Variants in CLUH observed in about 807,000 individuals in gnomAD.
CLUH encodes the protein clustered mitochondria protein homolog.
CLUH carries 77 observed loss-of-function variants against 139.3 expected under a neutral mutation model. The ratio of observed to expected loss-of-function variants is 0.55; its 90% confidence interval spans 0.46 to 0.67. CLUH has a LOEUF of 0.67. Ranked by LOEUF, CLUH falls within the 30% of genes least tolerant of loss-of-function variation. The pLI is 0.00. For synonymous variants in CLUH, 999 were observed against 801.6 expected (o/e 1.25, Z -4.16); for missense variants, 1,876 against 1,875.8 (o/e 1.00, Z 0.00).
At position 2,698,128 on chromosome 17, in the gene CLUH, G is replaced by A. The variant is rs1286076754; in HGVS notation, c.1729C>T (p.Arg577Cys). 10 of 1,591,388 alleles carry A rather than the reference G, an allele frequency of 6.3e-6. No homozygotes were observed. The highest frequency in any genetic ancestry group is 3.5e-5 in the Admixed American group (2 of 56,676). Reference protein sequence around the residue: ...KILRHQVLNDRDEEVELCSSV... With the variant: ...KILRHQVLNDCDEEVELCSSV... ...GAGCAGAGCTCCACCTCCTCGTCAC[G>A]GTCGTTGAGCACCTGGTGCCGCAGG... The change falls in exon 10 of 26, where the codon CGT becomes TGT. Residue 577 changes from arginine to cysteine, a missense_variant. Arg to Cys is a radical substitution (Grantham distance 180). Around this residue, in one of 3 missense-constraint regions of CLUH, gnomAD observed 1,454 missense variants for 1,384.4 expected, o/e 1.05. Coordinates refer to ENST00000651024, the MANE Select transcript of CLUH (RefSeq NM_001366661.1).
intron 1 of CLUH, among the ~76,000 whole-genome samples, chr17:2,708,748 C>T (rs1047549625): frequency 6.6e-6 from 1 of 152,024 alleles, no homozygotes; most frequent in African/African-American, 2.4e-5. Context: ...CATGGACCCG[C>T]TCCCACTGAC....
chr17:2,697,401 GA>G lies in CLUH; in HGVS notation c.1962-460del, dbSNP rs79574930. ...GCGACAAGAGTGAAACTCCGTCTCAGAAAAAAAAAAAAAAAGGCAGCTGCGT... is the reference window on the plus strand; with the variant it reads ...GCGACAAGAGTGAAACTCCGTCTCAGAAAAAAAAAAAAAAGGCAGCTGCGT... On this transcript the variant is annotated intron_variant, in intron 10 of 25. Transcript: ENST00000651024. Among the ~76,000 whole-genome samples, 1,011 of 121,670 alleles carry G rather than the reference GA, an allele frequency of 8.3e-3. 6 individuals are homozygous for G. Among genetic ancestry groups the G allele is most frequent in the African/African-American group, 0.022 (738 of 33,176 alleles). 79.8% of individuals were successfully genotyped at this position (121,670 alleles called of 152,430 possible). A position where few individuals can be genotyped will look rare whatever the true frequency, so the allele number is the denominator to read the frequency against.
chr17:2,692,757 C>T (rs1229574015), intron 20 of CLUH, 23 bp downstream of exon 20: 12 of 1,599,036 alleles, frequency 7.5e-6, no homozygotes, highest in African/African-American at 1.3e-5. Context: ...CATCCCCCGG[C>T]GCGGGCGGCA....
Position 2,707,592 on chromosome 17 carries a change from C to T in CLUH, c.101-3028G>A. ...GAACCCAGAATTTGGGGTACCTGGACCCCTCAAGATTGAGGGCCTAGGAGA... is the reference window on the plus strand; with the variant it reads ...GAACCCAGAATTTGGGGTACCTGGATCCCTCAAGATTGAGGGCCTAGGAGA... On this transcript the variant is annotated intron_variant, in intron 1 of 25. Coordinates refer to ENST00000651024, the MANE Select transcript of CLUH (RefSeq NM_001366661.1). The surrounding 1 kb of genome is among the most constrained non-coding windows in gnomAD (Gnocchi z 7.4). 1 of 985,398 alleles carries T rather than the reference C, an allele frequency of 1.0e-6. No homozygotes were observed. Among genetic ancestry groups the T allele is most frequent in the East Asian group, 1.1e-4 (1 of 8,802 alleles). 61.0% of individuals were successfully genotyped at this position (985,398 alleles called of 1,614,324 possible).
chr17:2,692,672 C>T lies in CLUH; in HGVS notation c.3337G>A (p.Ala1113Thr). 1 of 1,611,970 alleles carries T rather than the reference C, an allele frequency of 6.2e-7. No homozygotes were observed. Among genetic ancestry groups the T allele is most frequent in the South Asian group, 1.1e-5 (1 of 90,974 alleles). ...EYMHLALYCF[A>T]SSQLSTALSL... Reference sequence around the variant, plus strand: ...AGGGCGGTGGACAGCTGGCTGCTGGCGAAGCAGTACAGGGCCAGGTGCATC... The same window carrying T: ...AGGGCGGTGGACAGCTGGCTGCTGGTGAAGCAGTACAGGGCCAGGTGCATC... Residue 1113 changes from alanine (A) to threonine (T), a missense_variant, in exon 21 of 26, where the codon GCC becomes ACC. This residue lies in a region of CLUH where 1,454 missense variants were observed against 1,384.4 expected (regional missense o/e 1.05). Coordinates refer to ENST00000651024, the MANE Select transcript of CLUH (RefSeq NM_001366661.1).
At chr17:2,697,835 C>G (rs975612702) in intron 10 of CLUH, 61 bp downstream of exon 10, 11 of 1,411,964 alleles carry the variant, frequency 7.8e-6, no homozygotes, top group Non-Finnish European at 1.0e-5. Context: ...CCGGATCCAC[C>G]CAGGGCGCCC....
chr17:2,700,362 T>C lies in CLUH; in HGVS notation c.1266+20A>G. On this transcript the variant is annotated intron_variant, in intron 9 of 25. Coordinates refer to ENST00000651024, the MANE Select transcript of CLUH (RefSeq NM_001366661.1). Reference sequence around the variant, plus strand: ...TGGACAGCGGGCCTCAGACTGCCGGTCAGCAGAGGCTGCAGGCACCTTGAA... The same window carrying C: ...TGGACAGCGGGCCTCAGACTGCCGGCCAGCAGAGGCTGCAGGCACCTTGAA... 1 of 1,604,806 alleles carries C rather than the reference T, an allele frequency of 6.2e-7. No homozygotes were observed. The highest frequency in any genetic ancestry group is 8.5e-7 in the Non-Finnish European group (1 of 1,175,286).
chr17:2,708,246 C>T (rs950627649), intron 1 of CLUH, among the ~76,000 whole-genome samples: 15 of 152,218 alleles, frequency 9.9e-5, no homozygotes, highest in African/African-American at 3.4e-4. Context: ...GGCTGCTTCA[C>T]AGCCCCCATG....
In CLUH at chr17:2,695,104, G is replaced by A; in HGVS notation, c.2608-3C>T. 6.2e-7 allele frequency: 1 copy of A among 1,612,302 alleles called. No individual in the cohort carries two copies. The highest frequency in any genetic ancestry group is 8.5e-7 in the Non-Finnish European group (1 of 1,179,020). On this transcript the variant is annotated splice_polypyrimidine_tract_variant and splice_region_variant and intron_variant, in intron 15 of 25. Coordinates refer to ENST00000651024, the MANE Select transcript of CLUH (RefSeq NM_001366661.1). ...GAGAGGCCGGAGAGCTCGACTCCCT[G>A]CGAGGCAGGTTGGATCCGAGTCATG... is the stretch of plus-strand genomic sequence containing the variant.
Position 2,690,516 on chromosome 17 carries a change from C to A in CLUH, c.*78G>T, listed in dbSNP as rs918139588. ...AGAGGGCCTTGCTTCCTCTTCCGCCCGCAGGCTCGCCCCCTTCTCCCGCAG... is the reference window on the plus strand; with the variant it reads ...AGAGGGCCTTGCTTCCTCTTCCGCCAGCAGGCTCGCCCCCTTCTCCCGCAG... On this transcript the variant is annotated 3_prime_UTR_variant, in exon 26 of 26. Coordinates refer to ENST00000651024, the MANE Select transcript of CLUH (RefSeq NM_001366661.1). 26 of 1,281,762 alleles carry A rather than the reference C, an allele frequency of 2.0e-5. No individual in the cohort carries two copies. The highest frequency in any genetic ancestry group is 3.1e-5 in the East Asian group (1 of 32,744). The allele number at this position is 1,281,762 out of a possible 1,614,324, so 79.4% of individuals were successfully genotyped here.
rs943137363 is a variant in CLUH, at chr17:2,700,962, C to T, written c.1026-137G>A. ...TGCCCTGGAGCCAGATGGAAGTGCA[C>T]GGGCGCCTCTCCTGCGGCTGCTGTC... is the stretch of plus-strand genomic sequence containing the variant. On this transcript the variant is annotated intron_variant, in intron 7 of 25. Coordinates refer to ENST00000651024, the MANE Select transcript of CLUH (RefSeq NM_001366661.1). 2.6e-5 allele frequency: 37 copies of T among 1,421,536 alleles called. 1 individual carries two copies. Among genetic ancestry groups the T allele is most frequent in the Admixed American group, 2.1e-4 (9 of 43,716 alleles). The allele number at this position is 1,421,536 out of a possible 1,614,324, so 88.1% of individuals were successfully genotyped here. A position where few individuals can be genotyped will look rare whatever the true frequency, so the allele number is the denominator to read the frequency against.
At chr17:2,691,956 G>GC (rs762374288) in intron 23 of CLUH, 48 bp downstream of exon 23, 8,903 of 438,014 alleles carry the variant, frequency 0.02, 181 homozygotes, top group South Asian at 0.034. Flanking sequence ...CCCCCGCCCC[G>GC]CCACGCCCCC....
chr17:2,699,341 T>C (rs1411523793), intron 9 of CLUH, among the ~76,000 whole-genome samples: 1 of 152,204 alleles, frequency 6.6e-6, no homozygotes, highest in African/African-American at 2.4e-5. Flanking sequence ...TTGGTTGTTT[T>C]CAGACAGGGT....
At position 2,694,881 on chromosome 17, in the gene CLUH, T is replaced by A. The variant is rs947031516; in HGVS notation, c.2828A>T (p.Asn943Ile). 4 of 1,549,228 alleles carry A rather than the reference T, an allele frequency of 2.6e-6. No homozygotes were observed. Among genetic ancestry groups the A allele is most frequent in the Non-Finnish European group, 3.5e-6 (4 of 1,144,506 alleles). ...CCACTCGAGGTCGAAGTCAAAGTAG[T>A]TCTTGGCCTCCTGGCAGATGTTCTT... ...LWKNICQEAK[N>I]YFDFDLECET... Residue 943 changes from asparagine to isoleucine, a missense_variant, in exon 16 of 26, where the codon AAC becomes ATC. Physicochemically the swap from Asn to Ile is moderately radical, Grantham distance 149 (BLOSUM62 -3). Around this residue, in one of 3 missense-constraint regions of CLUH, gnomAD observed 1,454 missense variants for 1,384.4 expected, o/e 1.05. Transcript: ENST00000651024.
chr17:2,695,648 C>G, intron 13 of CLUH, 122 bp from the exon 14 acceptor site: 1 of 1,290,100 alleles, frequency 7.8e-7, no homozygotes. Context: ...CTCCAGCTCC[C>G]AGTCAGGATG....
chr17:2,700,383 T>A lies in CLUH; in HGVS notation c.1265A>T (p.Lys422Met). 6.2e-7 allele frequency: 1 copy of A among 1,612,476 alleles called. No homozygotes were observed. Residue 422 changes from lysine to methionine, a missense_variant and splice_region_variant, in exon 9 of 26, where the codon AAG (lysine) becomes ATG (methionine). Physicochemically the swap from Lys to Met is moderately conservative, Grantham distance 95 (BLOSUM62 -1). Coordinates refer to ENST00000651024, the MANE Select transcript of CLUH (RefSeq NM_001366661.1). ...CCGGTCAGCAGAGGCTGCAGGCACC[T>A]TGAATATGGCCCTTTCTCGGAGCAG... ...ERLLRERAIF[K>M]VHSDFTAAAT...
At chr17:2,709,817 C>T (rs1426621733) in intron 1 of CLUH, among the ~76,000 whole-genome samples, 4 of 152,122 alleles carry the variant, frequency 2.6e-5, no homozygotes, top group South Asian at 2.1e-4. Context: ...TCAATAGATC[C>T]GGGCTGGCTG....
At chr17:2,692,991 T>G in intron 19 of CLUH, 131 bp from the exon 20 acceptor site, 1 of 805,812 alleles carries the variant, frequency 1.2e-6, no homozygotes, top group Non-Finnish European at 1.8e-6. Context: ...CCCAGCACAG[T>G]GCAGCAGGGG....
At position 2,693,984 on chromosome 17, in the gene CLUH, G is replaced by A. The variant is rs184441238; in HGVS notation, c.3147C>T (p.Asn1049=). The A allele has an allele frequency of 1.2e-3, 1,902 of 1,613,930 alleles. 2 individuals are homozygous for A. The highest frequency in any genetic ancestry group is 1.5e-3 in the Non-Finnish European group (1,768 of 1,179,848). Reference sequence around the variant, plus strand: ...TCTCCACGTGCATGGCTCCGTAGACGTTGTTAAACAGGTTCAGGGCCTCAT... The same window carrying A: ...TCTCCACGTGCATGGCTCCGTAGACATTGTTAAACAGGTTCAGGGCCTCAT... ...LINEALNLFN[N]VYGAMHVETC... Residue 1049 remains asparagine, a synonymous_variant, in exon 19 of 26, where the codon AAC becomes AAT. Transcript: ENST00000651024.
Sources: gnomAD v4.1 joint callset for allele counts (sites outside exome capture counted in the v4.1 genomes callset) on GRCh38, gnomAD v4.1.1 for gene constraint, gnomAD v4.1.1 regional missense constraint, Gnocchi (gnomAD v3.1) non-coding constraint, MANE v1.5 for transcripts, NCBI Gene and HGNC (gene_info 2026-07-23, HGNC 2026-07-21) for gene names.